SULT1B1: variants seen among roughly 807,000 people sequenced by gnomAD.
SULT1B1 encodes sulfotransferase 1B1.
SULT1B1 carries 28 observed loss-of-function variants against 34.6 expected under a neutral mutation model. The ratio of observed to expected loss-of-function variants is 0.81; its 90% CI spans 0.60 to 1.11. The LOEUF (loss-of-function observed/expected upper bound fraction) is 1.11, where lower values mean the gene tolerates loss of function less well. Among genes scored for constraint, SULT1B1 ranks in the 50% least tolerant of loss-of-function variants. The probability of loss-of-function intolerance (pLI) is 0.00; values close to 1 mark genes in which losing one functional copy is unlikely to be tolerated. For missense variants in SULT1B1, 374 were observed against 352.2 expected (o/e 1.06, Z -0.50); for synonymous variants, 147 against 110.2 (o/e 1.33, Z -2.09).
chr4:69,740,047 C>A (rs779285433), intron 4 of SULT1B1, among the ~76,000 whole-genome samples: 2 of 152,160 alleles, frequency 1.3e-5, no homozygotes, highest in Non-Finnish European at 2.9e-5. Context: ...GTGTTCTGAG[C>A]CCTCCAAGTC....
chr4:69,727,299 CTTCCT>C, intron 7 of SULT1B1, 99 bp from the exon 8 acceptor site: 1 of 760,976 alleles, frequency 1.3e-6, no homozygotes, highest in East Asian at 3.1e-5. Flanking sequence ...AAAGAAAGAC[CTTCCT>C]TTTATTTGAA....
rs1302665679 is a variant in SULT1B1 at position 69,733,521 on chromosome 4, A to C, written c.503-14T>G. On this transcript the variant is annotated splice_polypyrimidine_tract_variant and intron_variant, in intron 5 of 7. Transcript: ENST00000310613. Reference sequence around the variant, plus strand: ...AACCATAGGCCACTAAAACCAGATAAAAGTCTATTTTCATAAACATTCATC... The same window carrying C: ...AACCATAGGCCACTAAAACCAGATACAAGTCTATTTTCATAAACATTCATC... 1 of 1,552,582 alleles carries C rather than the reference A, an allele frequency of 6.4e-7. No homozygotes were observed. Among genetic ancestry groups the C allele is most frequent in the African/African-American group, 1.4e-5 (1 of 72,000 alleles).
At chr4:69,760,228 A>G in intron 1 of SULT1B1, 4 of 985,048 alleles carry the variant, frequency 4.1e-6, no homozygotes, top group Non-Finnish European at 4.8e-6. Flanking sequence ...GAAGACCTCC[A>G]TTCCTTGCAT....
At chr4:69,748,206 C>T (rs991879464) in intron 4 of SULT1B1, among the ~76,000 whole-genome samples, 1 of 151,924 alleles carries the variant, frequency 6.6e-6, no homozygotes, top group East Asian at 1.9e-4. Flanking sequence ...GTAATGCAAA[C>T]ATTAATCAGT....
At chr4:69,732,403 T>A (rs142594023) in intron 6 of SULT1B1, among the ~76,000 whole-genome samples, 7 of 152,270 alleles carry the variant, frequency 4.6e-5, no homozygotes, top group Admixed American at 2.0e-4. Flanking sequence ...TAAAGTAGGA[T>A]TAATGCCATT....
intron 1 of SULT1B1, chr4:69,760,129 A>G (rs1427768990): frequency 2.3e-6 from 1 of 443,792 alleles, no homozygotes; most frequent in African/African-American, 2.1e-5. Flanking sequence ...GCATGAATGC[A>G]TGTGAGTAGG....
At chr4:69,751,593 C>A (rs1227376092) in intron 3 of SULT1B1, among the ~76,000 whole-genome samples, 1 of 152,042 alleles carries the variant, frequency 6.6e-6, no homozygotes, top group African/African-American at 2.4e-5. Flanking sequence ...TTGAGACTAC[C>A]GGCGCCCGCC....
At chr4:69,728,323 T>A (rs567444347) in intron 7 of SULT1B1, among the ~76,000 whole-genome samples, 192 of 152,236 alleles carry the variant, frequency 1.3e-3, no homozygotes, top group African/African-American at 4.5e-3. Context: ...TTTTTCTATT[T>A]GTTATAATTT....
chr4:69,726,825 A>G lies in SULT1B1; in HGVS notation c.*263T>C, dbSNP rs964453063. On this transcript the variant is annotated 3_prime_UTR_variant, in exon 8 of 8. Coordinates refer to ENST00000310613, the MANE Select transcript of SULT1B1 (RefSeq NM_014465.4). ...TTCTTTCTTATCAGTACTAGTGTAG[A>G]AAAAGGCAGGAAGAGCCTGTGGTTA... 1 of 315,080 alleles carries G rather than the reference A, an allele frequency of 3.2e-6. No individual in the cohort carries two copies. Among genetic ancestry groups the G allele is most frequent in the Admixed American group, 5.0e-5 (1 of 20,192 alleles). The allele number at this position is 315,080 out of a possible 1,614,324, so 19.5% of individuals were successfully genotyped here.
chr4:69,748,184 C>T (rs1718829593), intron 4 of SULT1B1, among the ~76,000 whole-genome samples: 1 of 151,736 alleles, frequency 6.6e-6, no homozygotes, highest in Non-Finnish European at 1.5e-5. Flanking sequence ...AAAAGGGTAG[C>T]AAAAAATATA....
intron 1 of SULT1B1, chr4:69,758,271 AAATG>A: frequency 1.0e-6 from 1 of 981,306 alleles, no homozygotes; most frequent in Non-Finnish European, 1.2e-6. Flanking sequence ...TTGAATGAAG[AAATG>A]AATGAATGAT....
chr4:69,746,242 A>G (rs7668682), intron 4 of SULT1B1, among the ~76,000 whole-genome samples: 81,148 of 151,944 alleles, frequency 0.53, 21,985 homozygotes, highest in South Asian at 0.56. Flanking sequence ...CTGAATTTGC[A>G]TGTTGACTTC....
Position 69,727,069 on chromosome 4 carries a change from G to C in SULT1B1, c.*19C>G. On this transcript the variant is annotated 3_prime_UTR_variant, in exon 8 of 8. Transcript: ENST00000310613. ...CTACAGACAATCTCTTATTTCTTCA[G>C]ATGTGTGATTTAGACACTTTAAATC... 1 of 1,561,832 alleles carries C rather than the reference G, an allele frequency of 6.4e-7. No homozygotes were observed. The highest frequency in any genetic ancestry group is 1.2e-5 in the South Asian group (1 of 85,898).
intron 7 of SULT1B1, 117 bp from the exon 8 acceptor site, chr4:69,727,317 A>C: frequency 8.2e-6 from 5 of 610,970 alleles, no homozygotes; most frequent in South Asian, 7.2e-5. Flanking sequence ...TATTTGAATG[A>C]ATTCAAACAG....
At chr4:69,750,432 A>G (rs975054433) in intron 3 of SULT1B1, among the ~76,000 whole-genome samples, 3 of 152,178 alleles carry the variant, frequency 2.0e-5, no homozygotes, top group Admixed American at 2.0e-4. Context: ...GTAGAACTTG[A>G]TTTCAAATTA....
chr4:69,750,881 A>G (rs1718955404), intron 3 of SULT1B1, among the ~76,000 whole-genome samples: 1 of 152,222 alleles, frequency 6.6e-6, no homozygotes, highest in Admixed American at 6.5e-5. Flanking sequence ...CATGGTTAAT[A>G]TGAAGAAGCC....
In SULT1B1 at chr4:69,730,621, T is replaced by C; in HGVS notation, c.658A>G (p.Ile220Val). Residue 220 changes from isoleucine to valine, a missense_variant, in exon 7 of 8, where the codon ATC (isoleucine) becomes GTC (valine). Ile to Val is a conservative substitution (Grantham distance 29, BLOSUM62 3). Transcript: ENST00000310613. ...GTGTGATGGATGATCCTATCCAAGA[T>C]CTCATCATTCAGGTTCTTCTCTAGA... Reference protein sequence around the residue: ...RFLEKNLNDEILDRIIHHTSF... With the variant: ...RFLEKNLNDEVLDRIIHHTSF... The C allele has an allele frequency of 1.2e-6, 2 of 1,613,250 alleles. No homozygotes were observed. The highest frequency in any genetic ancestry group is 1.7e-6 in the Non-Finnish European group (2 of 1,179,674).
In SULT1B1 at chr4:69,729,655, T is replaced by C. The variant is rs1717985365; in HGVS notation, c.778+846A>G. 2.0e-5 allele frequency among the ~76,000 whole-genome samples: 3 copies of C among 152,102 alleles called. No individual in the cohort carries two copies. In the South Asian group the frequency reaches 6.2e-4, roughly 31 times the overall value. On this transcript the variant is annotated intron_variant, in intron 7 of 7. Coordinates refer to ENST00000310613, the MANE Select transcript of SULT1B1 (RefSeq NM_014465.4). ...GTTAACAAACAACTTTTCAAAAAATTAATCATATTACTCAAAATTGGCGGT... is the reference window on the plus strand; with the variant it reads ...GTTAACAAACAACTTTTCAAAAAATCAATCATATTACTCAAAATTGGCGGT...
At position 69,749,636 on chromosome 4, in the gene SULT1B1, C is replaced by CA. The variant is rs1182410996; in HGVS notation, c.375+84dup. 197 of 1,000,522 alleles carry CA rather than the reference C, an allele frequency of 2.0e-4. 1 individual carries two copies. The highest frequency in any genetic ancestry group is 2.5e-5 in the Non-Finnish European group (16 of 652,920). 62.0% of individuals were successfully genotyped at this position (1,000,522 alleles called of 1,614,324 possible). On this transcript the variant is annotated intron_variant, in intron 4 of 7. Transcript: ENST00000310613. ...TGTTGCAAGTATATGGTTAAAGAAA[C>CA]AAAAAATATTTTAAAAAATAAACTA...
Sources: gnomAD v4.1 joint callset for allele counts (sites outside exome capture counted in the v4.1 genomes callset) on GRCh38, gnomAD v4.1.1 for gene constraint, MANE v1.5 for transcripts, NCBI Gene and HGNC (gene_info 2026-07-23, HGNC 2026-07-21) for gene names.